The following SMIM22 variants were observed in gnomAD, a reference collection of about 807,000 sequenced individuals.
The protein encoded by SMIM22 is small integral membrane protein 22, also known as cancer associated small integral membrane open reading frame 1.
A neutral mutation model predicts 8.4 loss-of-function variants in SMIM22; 16 were observed. That is an observed-to-expected ratio of 1.90 (90% CI 1.29 to 2.89). SMIM22 has a LOEUF of 2.89. SMIM22 is among the 30% of genes most tolerant of loss of function. SMIM22 has a pLI of 0.00. For missense variants in SMIM22, 159 were observed against 107.5 expected (o/e 1.48, Z -2.12); for synonymous variants, 67 against 47.6 (o/e 1.41, Z -1.68).
At chr16:4,789,526 CTG>C (rs2082517603) in intron 2 of SMIM22, among the ~76,000 whole-genome samples, 1 of 152,048 alleles carries the variant, frequency 6.6e-6, no homozygotes, top group Non-Finnish European at 1.5e-5. Context: ...CTGGTTTTCC[CTG>C]TGTTAGCCAG....
At position 4,795,932 on chromosome 16, in the gene SMIM22, C is replaced by T; in HGVS notation, c.125-16C>T. ...TCCAGGTTGGGGCCACACCTGGACG[C>T]CTGTCCTGTCCCCAGGCACCGTGCT... On this transcript the variant is annotated splice_polypyrimidine_tract_variant and intron_variant, in intron 2 of 3. Transcript: ENST00000586005. 1.3e-6 allele frequency: 2 copies of T among 1,517,852 alleles called. No individual in the cohort carries two copies. Among genetic ancestry groups the T allele is most frequent in the African/African-American group, 1.4e-5 (1 of 72,666 alleles). 94.0% of individuals were successfully genotyped at this position (1,517,852 alleles called of 1,614,324 possible).
chr16:4,795,589 TGGGAGGGG>T lies in SMIM22; in HGVS notation c.-20-124_-20-117del. 27 of 1,042,646 alleles carry T rather than the reference TGGGAGGGG, an allele frequency of 2.6e-5. No individual in the cohort carries two copies. The Admixed American group carries it at 3.2e-4, about 12-fold the overall frequency. 64.6% of individuals were successfully genotyped at this position (1,042,646 alleles called of 1,614,324 possible). A position where few individuals can be genotyped will look rare whatever the true frequency, so the allele number is the denominator to read the frequency against. On this transcript the variant is annotated intron_variant, in intron 1 of 3. Coordinates refer to ENST00000586005, the MANE Select transcript of SMIM22 (RefSeq NM_001253794.2). The stretch of plus-strand genomic sequence containing the variant: ...GCCTGGGGCCGAGGGAGAAGTGGAG[TGGGAGGGG>T]GTGGGGAAGCTGGCGCTGGGCCAGG...
intron 2 of SMIM22, among the ~76,000 whole-genome samples, chr16:4,790,249 C>T (rs767106909): frequency 1.3e-5 from 2 of 152,130 alleles, no homozygotes; most frequent in Non-Finnish European, 2.9e-5. Context: ...CTTTGCTGGT[C>T]CTAAGTTCTC....
At chr16:4,788,791 C>A (rs2082501654) in intron 2 of SMIM22, 1 of 152,234 alleles carries the variant, frequency 6.6e-6, no homozygotes, top group Non-Finnish European at 1.5e-5. Flanking sequence ...GTTACTACCC[C>A]AAGCTGATAG....
upstream of SMIM22, among the ~76,000 whole-genome samples, chr16:4,792,996 C>G (rs2082575864): frequency 6.6e-6 from 1 of 150,596 alleles, no homozygotes; most frequent in South Asian, 2.1e-4. Flanking sequence ...GTAATCCCAG[C>G]TACTCAGGAG....
chr16:4,793,041 G>A (rs1360427060), upstream of SMIM22, among the ~76,000 whole-genome samples: 2 of 149,052 alleles, frequency 1.3e-5, no homozygotes, highest in African/African-American at 5.0e-5. Context: ...CCCGGGAGGC[G>A]GAGATTGCAG....
At chr16:4,794,254 C>A (rs147628461), upstream of SMIM22, among the ~76,000 whole-genome samples, 5 of 149,804 alleles carry the variant, frequency 3.3e-5, no homozygotes, top group Admixed American at 2.0e-4. Flanking sequence ...ACTATAGGCG[C>A]GTGCCACCAT....
At chr16:4,791,748 C>T (rs1490339393), upstream of SMIM22, among the ~76,000 whole-genome samples, 3 of 152,118 alleles carry the variant, frequency 2.0e-5, no homozygotes, top group African/African-American at 7.2e-5. Context: ...AGTGCAGTGG[C>T]GAGATCTTGG....
upstream of SMIM22, among the ~76,000 whole-genome samples, chr16:4,791,830 G>A (rs1488883769): frequency 2.0e-5 from 3 of 152,032 alleles, no homozygotes; most frequent in African/African-American, 7.2e-5. Flanking sequence ...TGGGATTACT[G>A]GCACCAACCA....
rs2075465 is a variant in SMIM22, at chr16:4,796,067, T to C, written c.225+19T>C. 0.49 allele frequency: 757,494 copies of C among 1,532,586 alleles called. 188,859 individuals are homozygous for C. The highest frequency in any genetic ancestry group is 0.62 in the African/African-American group (45,284 of 72,990). 94.9% of individuals were successfully genotyped at this position (1,532,586 alleles called of 1,614,324 possible). ...CTGGAAGGTGAGCCCTGCCGGCCTCTGGGACCTGCACGGAACTGTACTGGG... is the reference window on the plus strand; with the variant it reads ...CTGGAAGGTGAGCCCTGCCGGCCTCCGGGACCTGCACGGAACTGTACTGGG... On this transcript the variant is annotated intron_variant, in intron 3 of 3. Transcript: ENST00000586005.
intron 1 of SMIM22, 24 bp from the exon 2 acceptor site, chr16:4,795,691 G>A (rs2082626908): frequency 2.6e-6 from 4 of 1,530,572 alleles, no homozygotes; most frequent in Non-Finnish European, 3.5e-6. Flanking sequence ...GGATCCTGAT[G>A]CAGCCTCTGG....
Position 4,796,028 on chromosome 16 carries a change from A to AGGAAGGTGAGCCCCT in SMIM22, c.219_225+8dup, listed in dbSNP as rs575157946. 677 of 1,526,240 alleles carry AGGAAGGTGAGCCCCT rather than the reference A, an allele frequency of 4.4e-4. 4 individuals carry two copies. In the African/African-American group the frequency reaches 7.4e-3, roughly 17 times the overall value. The allele number at this position is 1,526,240 out of a possible 1,614,324, so 94.5% of individuals were successfully genotyped here. On this transcript the variant is annotated inframe_insertion, in exon 3 of 4. Coordinates refer to ENST00000586005, the MANE Select transcript of SMIM22 (RefSeq NM_001253794.2). ...CCCCGGGCCCCGCAGGGAAAGCCCC[A>AGGAAGGTGAGCCCCT]GGAAGGTGAGCCCCTGGAAGGTGAG...
upstream of SMIM22, among the ~76,000 whole-genome samples, chr16:4,792,889 C>G (rs2082574082): frequency 6.7e-6 from 1 of 149,496 alleles, no homozygotes; most frequent in Non-Finnish European, 1.5e-5. Flanking sequence ...GTGGGTGAAT[C>G]ACCTGAGGTC....
upstream of SMIM22, among the ~76,000 whole-genome samples, chr16:4,792,603 A>C: frequency 6.6e-6 from 1 of 150,926 alleles, no homozygotes; most frequent in East Asian, 2.0e-4. Flanking sequence ...GGAGTTCAAG[A>C]CCAGCCTGAC....
upstream of SMIM22, among the ~76,000 whole-genome samples, chr16:4,793,312 C>A (rs994366490): frequency 6.6e-6 from 1 of 152,128 alleles, no homozygotes; most frequent in Non-Finnish European, 1.5e-5. Flanking sequence ...TAGACTCTGA[C>A]CTTCAGAACC....
upstream of SMIM22, among the ~76,000 whole-genome samples, chr16:4,793,901 C>G (rs1311110090): frequency 2.6e-5 from 4 of 151,428 alleles, no homozygotes; most frequent in East Asian, 3.9e-4. Context: ...CTTGGCCTCC[C>G]GATTAGCTGG....
intron 2 of SMIM22, chr16:4,789,909 CTTTCTTTTTTTTT>C (rs929334105): frequency 7.6e-6 from 1 of 132,442 alleles, no homozygotes. Flanking sequence ...CCTTTCTTTT[CTTTCTTTTTTTTT>C]TTTCTTTTTT....
Position 4,796,028 on chromosome 16 carries a change from AGGAAGGTGAGCCCCT to A in SMIM22, c.219_225+8del, listed in dbSNP as rs575157946. The A allele has an allele frequency of 2.4e-5, 37 of 1,526,120 alleles. No homozygotes were observed. Among genetic ancestry groups the A allele is most frequent in the South Asian group, 6.0e-5 (5 of 82,922 alleles). 94.5% of individuals were successfully genotyped at this position (1,526,120 alleles called of 1,614,324 possible). On this transcript the variant is annotated inframe_deletion, in exon 3 of 4. Coordinates refer to ENST00000586005, the MANE Select transcript of SMIM22 (RefSeq NM_001253794.2). ...CCCCGGGCCCCGCAGGGAAAGCCCC[AGGAAGGTGAGCCCCT>A]GGAAGGTGAGCCCTGCCGGCCTCTG...
chr16:4,796,338 G>T lies in SMIM22; in HGVS notation c.*107G>T. ...CTGGGTGGGTGACGCGGGACTCGCC[G>T]CCCCACTCAGGTGGCCACCTGGCCT... On this transcript the variant is annotated 3_prime_UTR_variant, in exon 4 of 4. Coordinates refer to ENST00000586005, the MANE Select transcript of SMIM22 (RefSeq NM_001253794.2). 1 of 1,343,098 alleles carries T rather than the reference G, an allele frequency of 7.4e-7. No homozygotes were observed. Among genetic ancestry groups the T allele is most frequent in the Admixed American group, 2.2e-5 (1 of 45,848 alleles). 83.2% of individuals were successfully genotyped at this position (1,343,098 alleles called of 1,614,324 possible). A position where few individuals can be genotyped will look rare whatever the true frequency, so the allele number is the denominator to read the frequency against.
Sources: gnomAD v4.1 joint callset for allele counts (sites outside exome capture counted in the v4.1 genomes callset) on GRCh38, gnomAD v4.1.1 for gene constraint, MANE v1.5 for transcripts, NCBI Gene and HGNC (gene_info 2026-07-23, HGNC 2026-07-21) for gene names.